The following UNC13C variants were observed in gnomAD, a reference collection of about 807,000 sequenced individuals.
UNC13C encodes unc-13 homolog C.
In UNC13C, 174 loss-of-function variants were observed where a neutral mutation model predicts 245.4. The ratio of observed to expected loss-of-function variants is 0.71; its 90% confidence interval spans 0.63 to 0.80. The LOEUF (loss-of-function observed/expected upper bound fraction) is 0.80. UNC13C is among the 30% of genes least tolerant of loss of function. The pLI, the probability that UNC13C is intolerant of heterozygous loss-of-function variation, is 0.00. For missense variants in UNC13C, 2,829 were observed against 2,602.9 expected, an observed-to-expected ratio of 1.09 and a Z score of -1.89; for synonymous variants, 992 against 895.1, an observed-to-expected ratio of 1.11 and a Z score of -1.93.
In UNC13C at chr15:54,143,049, T is replaced by A. The variant is rs764024148; in HGVS notation, c.3006+9T>A. ...GTTCTGTGGATGAAAAGGTTTTAAA[T>A]CATACTTATTCTTCCCTCCTGAGGA... On this transcript the variant is annotated intron_variant, in intron 3 of 32. Transcript: ENST00000260323. 6.2e-7 allele frequency: 1 copy of A among 1,609,406 alleles called. No homozygotes were observed. The highest frequency in any genetic ancestry group is 1.7e-5 in the Admixed American group (1 of 60,020).
At chr15:53,841,529 T>C in the UNC13C span, among the ~76,000 whole-genome samples, 131 of 152,232 alleles carry the variant, frequency 8.6e-4, 1 homozygote, top group South Asian at 0.017. Flanking sequence ...AAGAAGTTAG[T>C]AAAAAAATAA....
At chr15:54,578,480 TC>T (rs1352970535) in intron 30 of UNC13C, among the ~76,000 whole-genome samples, 2 of 152,226 alleles carry the variant, frequency 1.3e-5, no homozygotes, top group Non-Finnish European at 2.9e-5. Context: ...CTTCAAGTGT[TC>T]CCTGTTACTT....
intron 17 of UNC13C, among the ~76,000 whole-genome samples, chr15:54,373,923 G>A (rs751420472): frequency 1.3e-5 from 2 of 152,088 alleles, no homozygotes; most frequent in African/African-American, 4.8e-5. Flanking sequence ...CTGGAGACTC[G>A]AAGTGGGTAG....
chr15:54,454,565 T>TG lies in UNC13C; in HGVS notation c.4933+39503dup, dbSNP rs71105809. Among the ~76,000 whole-genome samples, 28 of 100,086 alleles carry TG rather than the reference T, an allele frequency of 2.8e-4. 2 individuals carry two copies. Among genetic ancestry groups the TG allele is most frequent in the African/African-American group, 5.7e-4 (16 of 28,154 alleles). 65.7% of individuals were successfully genotyped at this position (100,086 alleles called of 152,430 possible). A position where few individuals can be genotyped will look rare whatever the true frequency, so the allele number is the denominator to read the frequency against. ...TATACTCCAGCCCAGGCAACAATAG[T>TG]GGGGGAAAAAAAAAAAACAACAATA... On this transcript the variant is annotated intron_variant, in intron 19 of 32. Coordinates refer to ENST00000260323, the MANE Select transcript of UNC13C (RefSeq NM_001080534.3).
At chr15:54,222,472 C>G (rs1229910336) in intron 4 of UNC13C, among the ~76,000 whole-genome samples, 1 of 151,984 alleles carries the variant, frequency 6.6e-6, no homozygotes, top group Admixed American at 6.6e-5. Context: ...TGTATAGGTA[C>G]ACATTTTCTT....
intron 19 of UNC13C, among the ~76,000 whole-genome samples, chr15:54,426,197 A>G (rs183184676): frequency 6.6e-6 from 1 of 151,390 alleles, no homozygotes; most frequent in African/African-American, 2.4e-5. Context: ...ATTCATATTC[A>G]GTAATCTGGG....
intron 2 of UNC13C, among the ~76,000 whole-genome samples, chr15:54,064,935 G>A (rs1898007036): frequency 1.3e-5 from 2 of 152,206 alleles, no homozygotes; most frequent in South Asian, 2.1e-4. Flanking sequence ...AGTAAAATAT[G>A]TAAATAAATT....
chr15:53,875,955 A>G, the UNC13C span, among the ~76,000 whole-genome samples: 1 of 152,194 alleles, frequency 6.6e-6, no homozygotes, highest in Non-Finnish European at 1.5e-5. Flanking sequence ...ATGCCAATTC[A>G]TGTGCTATGT....
chr15:54,554,692 G>A (rs971373449), intron 28 of UNC13C, among the ~76,000 whole-genome samples: 11 of 151,930 alleles, frequency 7.2e-5, no homozygotes, highest in Non-Finnish European at 1.5e-4. Context: ...AATAATGGCA[G>A]CCCTGGGATG....
intron 13 of UNC13C, among the ~76,000 whole-genome samples, chr15:54,310,320 T>A (rs2037835650): frequency 6.6e-6 from 1 of 151,848 alleles, no homozygotes; most frequent in African/African-American, 2.4e-5. Context: ...AGAGAACCCA[T>A]GCAAACTCAG....
chr15:54,546,175 T>C (rs1434534241), intron 26 of UNC13C, among the ~76,000 whole-genome samples: 2 of 152,158 alleles, frequency 1.3e-5, no homozygotes, highest in African/African-American at 4.8e-5. Context: ...TGCAGGGACA[T>C]GGATGAAGCT....
At chr15:54,035,872 A>C (rs1896558560) in intron 2 of UNC13C, among the ~76,000 whole-genome samples, 1 of 152,152 alleles carries the variant, frequency 6.6e-6, no homozygotes, top group African/African-American at 2.4e-5. Context: ...GATGATTTGG[A>C]TTCTTACGTG....
intron 2 of UNC13C, among the ~76,000 whole-genome samples, chr15:54,019,857 A>T (rs918926566): frequency 3.3e-5 from 5 of 152,246 alleles, no homozygotes; most frequent in East Asian, 3.9e-4. Flanking sequence ...TGTTCCTGGG[A>T]TGTTATTTTA....
At chr15:54,367,269 A>G (rs565839344) in intron 17 of UNC13C, among the ~76,000 whole-genome samples, 1 of 152,270 alleles carries the variant, frequency 6.6e-6, no homozygotes, top group African/African-American at 2.4e-5. Context: ...GACTTTTCTC[A>G]TTAAAAAGGT....
intron 4 of UNC13C, among the ~76,000 whole-genome samples, chr15:54,226,900 A>G (rs2035400629): frequency 6.6e-6 from 1 of 152,124 alleles, no homozygotes; most frequent in African/African-American, 2.4e-5. Flanking sequence ...TGGCTCAGGG[A>G]GTCCCCAGGT....
chr15:53,880,171 G>GAT, the UNC13C span, among the ~76,000 whole-genome samples: 1 of 152,034 alleles, frequency 6.6e-6, no homozygotes, highest in African/African-American at 2.4e-5. Context: ...TAAAATGCAG[G>GAT]ATCTCCGAGA....
intron 7 of UNC13C, among the ~76,000 whole-genome samples, 163 bp downstream of exon 7, chr15:54,237,853 C>G (rs994781651): frequency 2.0e-5 from 3 of 152,162 alleles, no homozygotes; most frequent in Admixed American, 6.5e-5. Flanking sequence ...TCCTCAGGGA[C>G]TCAGCCAATC....
At position 54,038,122 on chromosome 15, in the gene UNC13C, A is replaced by ATTT. The variant is rs1355738786; in HGVS notation, c.2983+22237_2983+22238insTTT. ...TACATATATATATATATATATATATATATTTTTTTTTTTTTTTTCCTGAGA... is the reference window on the plus strand; with the variant it reads ...TACATATATATATATATATATATATATTTTATTTTTTTTTTTTTTTTCCTGAGA... On this transcript the variant is annotated intron_variant, in intron 2 of 32. Coordinates refer to ENST00000260323, the MANE Select transcript of UNC13C (RefSeq NM_001080534.3). Among the ~76,000 whole-genome samples the ATTT allele has an allele frequency of 4.2e-3, 212 of 50,210 alleles. 7 individuals are homozygous for ATTT. Among genetic ancestry groups the ATTT allele is most frequent in the African/African-American group, 0.019 (200 of 10,508 alleles). The allele number at this position is 50,210 out of a possible 152,430, so 32.9% of individuals were successfully genotyped here.
the UNC13C span, among the ~76,000 whole-genome samples, chr15:53,870,092 G>A: frequency 2.0e-5 from 3 of 152,048 alleles, no homozygotes; most frequent in Non-Finnish European, 4.4e-5. Context: ...GTACTCCTAC[G>A]CTTACAATGT....
Sources: gnomAD v4.1 joint callset for allele counts (sites outside exome capture counted in the v4.1 genomes callset) on GRCh38, gnomAD v4.1.1 for gene constraint, MANE v1.5 for transcripts, NCBI Gene and HGNC (gene_info 2026-07-23, HGNC 2026-07-21) for gene names.